The following LHFPL6 variants were observed in gnomAD, a reference collection of about 807,000 sequenced individuals.
LHFPL6 encodes LHFPL tetraspan subfamily member 6.
A neutral mutation model predicts 20.6 loss-of-function variants in LHFPL6; 9 were observed. The observed-to-expected ratio is 0.44, with a 90% CI of 0.26 to 0.76. The LOEUF is 0.76. Among genes scored for constraint, LHFPL6 ranks in the 30% least tolerant of loss-of-function variants. The probability of loss-of-function intolerance (pLI) is 0.20; values close to 1 mark genes in which losing one functional copy is unlikely to be tolerated. For missense variants in LHFPL6, 218 were observed against 253.5 expected (o/e 0.86, Z 0.95); for synonymous variants, 105 against 98.7 (o/e 1.06, Z -0.38).
intron 2 of LHFPL6, among the ~76,000 whole-genome samples, chr13:39,388,198 G>A (rs1404398380): frequency 6.6e-6 from 1 of 152,180 alleles, no homozygotes; most frequent in East Asian, 1.9e-4. Context: ...GCAGAAGAGA[G>A]TATACTTCGG....
chr13:39,481,882 T>C (rs1246613246), intron 2 of LHFPL6, among the ~76,000 whole-genome samples: 1 of 152,084 alleles, frequency 6.6e-6, no homozygotes, highest in Non-Finnish European at 1.5e-5. Flanking sequence ...ACATCAAGCA[T>C]GGATTGAAAG....
At chr13:39,595,386 G>A (rs1251535379) in intron 2 of LHFPL6, among the ~76,000 whole-genome samples, 4 of 152,060 alleles carry the variant, frequency 2.6e-5, no homozygotes, top group Non-Finnish European at 5.9e-5. Flanking sequence ...TCAGCCTCCT[G>A]GGTTCAAGCG....
At chr13:39,573,301 A>G (rs1871993431) in intron 2 of LHFPL6, among the ~76,000 whole-genome samples, 1 of 152,204 alleles carries the variant, frequency 6.6e-6, no homozygotes, top group African/African-American at 2.4e-5. Flanking sequence ...AGATTTTACA[A>G]TTTAAATGAG....
intron 2 of LHFPL6, among the ~76,000 whole-genome samples, chr13:39,559,531 T>C (rs1871406662): frequency 6.6e-6 from 1 of 152,210 alleles, no homozygotes; most frequent in South Asian, 2.1e-4. Context: ...TCCAGTGCCA[T>C]TCCTTTCTAC....
At chr13:39,541,872 G>A (rs986735919) in intron 2 of LHFPL6, among the ~76,000 whole-genome samples, 2 of 151,518 alleles carry the variant, frequency 1.3e-5, no homozygotes, top group African/African-American at 2.4e-5. Flanking sequence ...GGTGGATCAC[G>A]AGATCAGGAG....
intron 2 of LHFPL6, among the ~76,000 whole-genome samples, chr13:39,463,678 TA>T (rs917677017): frequency 6.6e-6 from 1 of 152,138 alleles, no homozygotes; most frequent in Admixed American, 6.5e-5. Flanking sequence ...GACTTTCAAT[TA>T]GGCAAGTGAG....
At chr13:39,483,483 A>AT (rs34041103) in intron 2 of LHFPL6, among the ~76,000 whole-genome samples, 21,789 of 137,824 alleles carry the variant, frequency 0.16, 2,543 homozygotes, top group East Asian at 0.57. Flanking sequence ...CCTCATTACA[A>AT]TTTTTTTTTT....
intron 2 of LHFPL6, among the ~76,000 whole-genome samples, chr13:39,506,974 A>T (rs9315693): frequency 6.6e-6 from 1 of 152,174 alleles, no homozygotes; most frequent in South Asian, 2.1e-4. Flanking sequence ...GAAAAACTGC[A>T]AATTTTTTTG....
At chr13:39,501,374 C>G (rs2138464105) in intron 2 of LHFPL6, among the ~76,000 whole-genome samples, 1 of 152,254 alleles carries the variant, frequency 6.6e-6, no homozygotes, top group South Asian at 2.1e-4. Context: ...TTATCTTTCT[C>G]TAAACAGCCC....
intron 2 of LHFPL6, among the ~76,000 whole-genome samples, chr13:39,455,403 T>C (rs907601755): frequency 6.6e-6 from 1 of 152,186 alleles, no homozygotes; most frequent in African/African-American, 2.4e-5. Flanking sequence ...ACTGCTCCCA[T>C]CAAAGGAGAA....
intron 2 of LHFPL6, among the ~76,000 whole-genome samples, chr13:39,599,799 C>A (rs952687097): frequency 6.6e-6 from 1 of 152,218 alleles, no homozygotes; most frequent in Admixed American, 6.5e-5. Context: ...TGTCTCACAA[C>A]TACTCATTTT....
chr13:39,351,405 G>T (rs1312239612), intron 3 of LHFPL6, among the ~76,000 whole-genome samples: 1 of 151,338 alleles, frequency 6.6e-6, no homozygotes, highest in Non-Finnish European at 1.5e-5. Context: ...CTTGAACTCG[G>T]AACTTGGGTC....
At chr13:39,348,859 A>C (rs1312540906) in intron 3 of LHFPL6, among the ~76,000 whole-genome samples, 8 of 152,196 alleles carry the variant, frequency 5.3e-5, no homozygotes, top group Non-Finnish European at 1.2e-4. Flanking sequence ...GTGTAATTGT[A>C]ATTTCTAGTC....
intron 2 of LHFPL6, among the ~76,000 whole-genome samples, chr13:39,473,822 G>C (rs891342681): frequency 6.6e-6 from 1 of 152,190 alleles, no homozygotes; most frequent in African/African-American, 2.4e-5. Flanking sequence ...AACCATCAAT[G>C]CTACTTCAGA....
chr13:39,427,555 C>T (rs562439995), intron 2 of LHFPL6, among the ~76,000 whole-genome samples: 148 of 152,188 alleles, frequency 9.7e-4, no homozygotes, highest in Middle Eastern at 6.8e-3. Flanking sequence ...TTTTAAACTT[C>T]TAAAAACACT....
At chr13:39,521,540 A>G (rs570579119) in intron 2 of LHFPL6, among the ~76,000 whole-genome samples, 1 of 152,098 alleles carries the variant, frequency 6.6e-6, no homozygotes, top group Non-Finnish European at 1.5e-5. Flanking sequence ...GCAGCTAAAA[A>G]TTTTTATATA....
intron 2 of LHFPL6, among the ~76,000 whole-genome samples, chr13:39,561,776 A>T (rs1191603769): frequency 6.6e-6 from 1 of 152,178 alleles, no homozygotes; most frequent in Non-Finnish European, 1.5e-5. Flanking sequence ...CATCTTATTT[A>T]TTCTCAGAAC....
intron 2 of LHFPL6, among the ~76,000 whole-genome samples, chr13:39,590,649 G>T (rs1304505582): frequency 6.6e-6 from 1 of 152,160 alleles, no homozygotes; most frequent in African/African-American, 2.4e-5. Context: ...ACTTTGTGTG[G>T]AGTGCAAATT....
intron 2 of LHFPL6, among the ~76,000 whole-genome samples, chr13:39,581,431 G>A (rs1872278974): frequency 6.6e-6 from 1 of 151,752 alleles, no homozygotes; most frequent in Non-Finnish European, 1.5e-5. Context: ...TTTCCTACCA[G>A]GAGGCTATAA....
Sources: allele counts gnomAD v4.1 joint callset (sites outside exome capture counted in the v4.1 genomes callset), GRCh38; gene constraint gnomAD v4.1.1; transcripts MANE v1.5; gene names NCBI Gene and HGNC (gene_info 2026-07-23, HGNC 2026-07-21).